The following TRIM2 variants were observed in gnomAD, a reference collection of about 807,000 sequenced individuals.
The protein encoded by TRIM2 is tripartite motif containing 2.
TRIM2 carries 20 observed loss-of-function variants against 75.2 expected under a neutral mutation model. The ratio of observed to expected loss-of-function variants is 0.27; its 90% confidence interval spans 0.19 to 0.39. The LOEUF (loss-of-function observed/expected upper bound fraction) is 0.39. TRIM2 is among the 10% of genes least tolerant of loss of function. The pLI is 1.00. For synonymous variants in TRIM2, 373 were observed against 388.3 expected, an observed-to-expected ratio of 0.96 and a Z score of 0.46; for missense variants, 660 against 990.8, an observed-to-expected ratio of 0.67 and a Z score of 4.48.
intron 1 of TRIM2, among the ~76,000 whole-genome samples, chr4:153,158,705 T>C (rs1579222497): frequency 6.6e-6 from 1 of 152,082 alleles, no homozygotes; most frequent in South Asian, 2.1e-4. Flanking sequence ...GCGGATAGCC[T>C]GTTCTACACC....
Position 153,154,630 on chromosome 4 carries a change from A to G in TRIM2, c.-49+1360A>G, listed in dbSNP as rs552105525. Among the ~76,000 whole-genome samples the G allele has an allele frequency of 2.0e-3, 299 of 152,352 alleles. 1 individual carries two copies. Among genetic ancestry groups the G allele is most frequent in the South Asian group, 0.017 (84 of 4,828 alleles). ...AGCAAGTAGAAAAGACAGAAAGACT[A>G]CAAAGTGGAAAAATTAAAATATAAT... is the stretch of plus-strand genomic sequence containing the variant. On this transcript the variant is annotated intron_variant, in intron 1 of 11. Coordinates refer to the TRIM2 transcript ENST00000437508.
Position 153,295,609 on chromosome 4 carries a change from G to T in TRIM2, c.1083G>T (p.Gly361=), listed in dbSNP as rs779795369. Residue 361 remains glycine, a synonymous_variant, in exon 6 of 12, where the codon GGG becomes GGT. Coordinates refer to ENST00000338700, the MANE Select transcript of TRIM2 (RefSeq NM_015271.5). The surrounding 1 kb of genome is among the most constrained non-coding windows in gnomAD (Gnocchi z 7.2). The part of the protein sequence containing the change: ...VASETVATGE[G]LRQTIIGQPM... ...CAGAGACAGTGGCCACGGGCGAGGGGCTGCGGCAGACCATCATCGGGCAGC... is the reference window on the plus strand; with the variant it reads ...CAGAGACAGTGGCCACGGGCGAGGGTCTGCGGCAGACCATCATCGGGCAGC... The T allele has an allele frequency of 3.6e-5, 58 of 1,613,888 alleles. No homozygotes were observed. The highest frequency in any genetic ancestry group is 4.7e-5 in the Non-Finnish European group (56 of 1,180,008).
intron 1 of TRIM2, among the ~76,000 whole-genome samples, chr4:153,210,939 T>C (rs2149709835): frequency 6.6e-6 from 1 of 152,262 alleles, no homozygotes; most frequent in South Asian, 2.1e-4. Flanking sequence ...ACTCAACACA[T>C]GCAGTAAACC....
At chr4:153,267,686 T>G (rs1755603237) in intron 1 of TRIM2, among the ~76,000 whole-genome samples, 1 of 152,144 alleles carries the variant, frequency 6.6e-6, no homozygotes, top group African/African-American at 2.4e-5. Flanking sequence ...TAAAGAATAA[T>G]AGTATGACCT....
At chr4:153,255,124 G>T (rs1442405254) in intron 1 of TRIM2, among the ~76,000 whole-genome samples, 3 of 152,144 alleles carry the variant, frequency 2.0e-5, no homozygotes, top group African/African-American at 7.2e-5. Flanking sequence ...GCAATTGCTT[G>T]CTTACTAATC....
chr4:153,295,264 A>G lies in TRIM2; in HGVS notation c.787-49A>G. 1.3e-6 allele frequency: 2 copies of G among 1,501,598 alleles called. No individual in the cohort carries two copies. The highest frequency in any genetic ancestry group is 1.8e-6 in the Non-Finnish European group (2 of 1,125,230). 93.0% of individuals were successfully genotyped at this position (1,501,598 alleles called of 1,614,324 possible). On this transcript the variant is annotated intron_variant, in intron 5 of 11. Transcript: ENST00000338700. This position sits in a 1 kb window ranked among gnomAD's most constrained non-coding sequence, Gnocchi z 7.2. The stretch of plus-strand genomic sequence containing the variant: ...CCGGTGGAGGGCACTGCCCCGGGCT[A>G]GGCCCCGCCCTGTGGGACGAGCTCA...
chr4:153,248,075 C>T lies in TRIM2; in HGVS notation c.31-22260C>T, dbSNP rs1002488810. 4.0e-5 allele frequency among the ~76,000 whole-genome samples: 6 copies of T among 148,368 alleles called. No individual in the cohort carries two copies. The highest frequency in any genetic ancestry group is 7.6e-5 in the African/African-American group (3 of 39,678). ...CGGTGACACAGTCTCTGCTCACTGG[C>T]GCGTCCGCCTCTGGGATTCAAGCGA... On this transcript the variant is annotated intron_variant, in intron 1 of 11. Coordinates refer to ENST00000338700, the MANE Select transcript of TRIM2 (RefSeq NM_015271.5). This position sits in a 1 kb window ranked among gnomAD's most constrained non-coding sequence, Gnocchi z 4.0.
chr4:153,195,554 C>A (rs142277890), intron 1 of TRIM2, among the ~76,000 whole-genome samples: 1,535 of 152,222 alleles, frequency 0.01, 27 homozygotes, highest in African/African-American at 0.036. Context: ...CTGGCAGCCA[C>A]CAAAGCTAGG....
chr4:153,264,594 C>CT (rs905681667), intron 1 of TRIM2, among the ~76,000 whole-genome samples: 23 of 152,256 alleles, frequency 1.5e-4, no homozygotes, highest in Admixed American at 1.4e-3. Context: ...ACATTTGTTG[C>CT]TTTTTTAATC....
chr4:153,252,360 A>G (rs554411335), intron 1 of TRIM2, among the ~76,000 whole-genome samples: 1 of 152,296 alleles, frequency 6.6e-6, no homozygotes, highest in East Asian at 1.9e-4. Context: ...GCCAGCCACA[A>G]GACCTGGACT....
intron 8 of TRIM2, 53 bp downstream of exon 8, chr4:153,316,052 T>TA: frequency 6.8e-7 from 1 of 1,480,122 alleles, no homozygotes; most frequent in East Asian, 2.4e-5. Context: ...GAACAGGAAA[T>TA]ACAAAATGAA....
At chr4:153,200,198 T>C (rs1164035168), upstream of TRIM2, among the ~76,000 whole-genome samples, 4 of 152,152 alleles carry the variant, frequency 2.6e-5, no homozygotes, top group Admixed American at 2.0e-4. Flanking sequence ...CCCAAAGTGC[T>C]GGGATTACAG....
intron 1 of TRIM2, among the ~76,000 whole-genome samples, chr4:153,253,746 T>C (rs1751400051): frequency 6.6e-6 from 1 of 152,164 alleles, no homozygotes; most frequent in Admixed American, 6.5e-5. Flanking sequence ...TCCTCCTCAC[T>C]GTTACACTCC....
chr4:153,304,174 C>T lies in TRIM2; in HGVS notation c.1510+8138C>T, dbSNP rs117698925. 1.1e-3 allele frequency among the ~76,000 whole-genome samples: 171 copies of T among 152,192 alleles called. 4 individuals carry two copies. The East Asian group carries it at 0.024, about 22-fold the overall frequency. On this transcript the variant is annotated intron_variant, in intron 6 of 11. Coordinates refer to ENST00000338700, the MANE Select transcript of TRIM2 (RefSeq NM_015271.5). ...TGTTGCCCAGGCCGAAGTGCAGTGACATGATCTCAGCTCACTTTAATCTCC... is the reference window on the plus strand; with the variant it reads ...TGTTGCCCAGGCCGAAGTGCAGTGATATGATCTCAGCTCACTTTAATCTCC...
intron 10 of TRIM2, among the ~76,000 whole-genome samples, chr4:153,326,289 AG>A (rs1213193565): frequency 6.6e-6 from 1 of 152,222 alleles, no homozygotes; most frequent in African/African-American, 2.4e-5. Flanking sequence ...AAACTCTTCA[AG>A]TTTTCAGCAT....
In TRIM2 at chr4:153,336,873, G is replaced by A. The variant is rs1018000737; in HGVS notation, c.*1907G>A. 1.9e-5 allele frequency: 19 copies of A among 985,058 alleles called. No individual in the cohort carries two copies. The highest frequency in any genetic ancestry group is 1.2e-4 in the Admixed American group (2 of 16,256). The allele number at this position is 985,058 out of a possible 1,614,324, so 61.0% of individuals were successfully genotyped here. The stretch of plus-strand genomic sequence containing the variant: ...AGAGTTTTAAAAAATACTTGAGCCT[G>A]TCCGTGATAAAGCTATAAAATTCAA... On this transcript the variant is annotated 3_prime_UTR_variant, in exon 12 of 12. Transcript: ENST00000338700.
intron 11 of TRIM2, among the ~76,000 whole-genome samples, chr4:153,334,576 C>T (rs1281874593): frequency 1.3e-5 from 2 of 151,994 alleles, no homozygotes; most frequent in Non-Finnish European, 2.9e-5. Flanking sequence ...CATGGTGGCT[C>T]ATGGCTATTA....
rs997021346 is a variant in TRIM2 at position 153,335,772 on chromosome 4, T to C, written c.*806T>C. 2 of 985,872 alleles carry C rather than the reference T, an allele frequency of 2.0e-6. No homozygotes were observed. Among genetic ancestry groups the C allele is most frequent in the Non-Finnish European group, 2.4e-6 (2 of 829,920 alleles). The allele number at this position is 985,872 out of a possible 1,614,324, so 61.1% of individuals were successfully genotyped here. A position where few individuals can be genotyped will look rare whatever the true frequency, so the allele number is the denominator to read the frequency against. ...AACTCCAGATCATTGCACTGGAATG[T>C]AATCAAGAAAGTTAGTCATGTTTTA... is the stretch of plus-strand genomic sequence containing the variant. On this transcript the variant is annotated 3_prime_UTR_variant, in exon 12 of 12. Transcript: ENST00000338700.
intron 1 of TRIM2, among the ~76,000 whole-genome samples, chr4:153,258,696 G>A (rs182820632): frequency 5.4e-4 from 83 of 152,316 alleles, no homozygotes; most frequent in Non-Finnish European, 9.9e-4. Flanking sequence ...CTCTGGCTTA[G>A]ATCATGTTAC....
Sources: gnomAD v4.1 joint callset for allele counts (sites outside exome capture counted in the v4.1 genomes callset) on GRCh38, gnomAD v4.1.1 for gene constraint, Gnocchi (gnomAD v3.1) non-coding constraint, MANE v1.5 for transcripts, NCBI Gene and HGNC (gene_info 2026-07-23, HGNC 2026-07-21) for gene names.